STX17: variants seen among roughly 807,000 people sequenced by gnomAD.
The protein encoded by STX17 is syntaxin-17.
A neutral mutation model predicts 35.9 loss-of-function variants in STX17; 29 were observed. The ratio of observed to expected loss-of-function variants is 0.81; its 90% confidence interval spans 0.60 to 1.10. The LOEUF (loss-of-function observed/expected upper bound fraction) is 1.10, where lower values mean the gene tolerates loss of function less well. STX17 is among the 50% of genes least tolerant of loss of function. The pLI, the probability that STX17 is intolerant of heterozygous loss-of-function variation, is 0.00. For synonymous variants in STX17, 92 were observed against 118.3 expected, an observed-to-expected ratio of 0.78 and a Z score of 1.44; for missense variants, 312 against 352.3, an observed-to-expected ratio of 0.89 and a Z score of 0.92.
intron 4 of STX17, 149 bp from the exon 5 acceptor site, chr9:99,959,768 T>C: frequency 1.5e-6 from 1 of 679,596 alleles, no homozygotes; most frequent in East Asian, 2.8e-5. Flanking sequence ...GCCAAACAAT[T>C]CTATTTTTGT....
At position 99,971,385 on chromosome 9, in the gene STX17, CA is replaced by C; in HGVS notation, c.*2715del. 6.6e-6 allele frequency among the ~76,000 whole-genome samples: 1 copy of C among 151,116 alleles called. No individual in the cohort carries two copies. The highest frequency in any genetic ancestry group is 2.1e-4 in the South Asian group (1 of 4,750). ...CCCACAGTAAAAAACGCATTTATAT[CA>C]AACCTTAGAATATGTTTAATGAACA... On this transcript the variant is annotated 3_prime_UTR_variant, in exon 8 of 8. Transcript: ENST00000259400.
intron 4 of STX17, among the ~76,000 whole-genome samples, chr9:99,953,115 C>T (rs1829637797): frequency 1.3e-5 from 2 of 151,770 alleles, no homozygotes; most frequent in South Asian, 4.1e-4. Flanking sequence ...TCAGGGCACT[C>T]CTGCATCACT....
intron 1 of STX17, among the ~76,000 whole-genome samples, chr9:99,908,442 C>T (rs1021138168): frequency 8.5e-5 from 13 of 152,120 alleles, no homozygotes; most frequent in African/African-American, 2.9e-4. Context: ...GCCCATTTCC[C>T]ATTTGTTTAT....
intron 1 of STX17, among the ~76,000 whole-genome samples, chr9:99,909,360 T>C (rs985050831): frequency 6.6e-6 from 1 of 152,176 alleles, no homozygotes; most frequent in Non-Finnish European, 1.5e-5. Flanking sequence ...ACTAGAGTGA[T>C]AGGATTAGCA....
chr9:99,921,203 A>G (rs889778620), intron 2 of STX17, among the ~76,000 whole-genome samples: 3 of 152,188 alleles, frequency 2.0e-5, no homozygotes, highest in Admixed American at 1.3e-4. Flanking sequence ...TCTGAAAAAA[A>G]GTGTGTTGAA....
intron 3 of STX17, among the ~76,000 whole-genome samples, chr9:99,943,594 C>T (rs1051261593): frequency 6.6e-6 from 1 of 152,210 alleles, no homozygotes; most frequent in African/African-American, 2.4e-5. Context: ...CAGGCGTGAG[C>T]CACTGCACCC....
At chr9:99,947,427 G>A (rs1829506294) in intron 3 of STX17, among the ~76,000 whole-genome samples, 1 of 152,068 alleles carries the variant, frequency 6.6e-6, no homozygotes, top group African/African-American at 2.4e-5. Context: ...TCTGTTGCCT[G>A]TTGTTTTTGC....
chr9:99,929,301 C>A (rs183142472), intron 3 of STX17: 2 of 150,998 alleles, frequency 1.3e-5, no homozygotes, highest in South Asian at 2.1e-4. Flanking sequence ...TTTGTGAGAG[C>A]TCCTTATAAT....
intron 2 of STX17, among the ~76,000 whole-genome samples, chr9:99,916,376 A>T (rs1268709254): frequency 6.6e-6 from 1 of 152,058 alleles, no homozygotes; most frequent in Non-Finnish European, 1.5e-5. Flanking sequence ...ATAAGTCTTA[A>T]GCTGCAGAAC....
chr9:99,907,813 A>G (rs1388950652), intron 1 of STX17, among the ~76,000 whole-genome samples: 1 of 152,210 alleles, frequency 6.6e-6, no homozygotes, highest in Non-Finnish European at 1.5e-5. Context: ...CTGAATTACT[A>G]ACTTGTGATT....
chr9:99,919,011 A>T (rs1222337666), intron 2 of STX17, among the ~76,000 whole-genome samples: 1 of 152,152 alleles, frequency 6.6e-6, no homozygotes, highest in African/African-American at 2.4e-5. Flanking sequence ...GTCCAGGCTT[A>T]ATCTTCCTGG....
intron 2 of STX17, among the ~76,000 whole-genome samples, chr9:99,916,732 C>A (rs1037749045): frequency 6.6e-6 from 1 of 152,074 alleles, no homozygotes; most frequent in African/African-American, 2.4e-5. Context: ...TCTTTACTTA[C>A]AAGCAATAAG....
chr9:99,932,503 C>G (rs1398587062), intron 3 of STX17, among the ~76,000 whole-genome samples: 1 of 152,064 alleles, frequency 6.6e-6, no homozygotes, highest in Non-Finnish European at 1.5e-5. Flanking sequence ...GATTTGGTGT[C>G]TATTGAATGG....
chr9:99,956,707 T>C (rs1829717711), intron 4 of STX17, among the ~76,000 whole-genome samples: 1 of 152,220 alleles, frequency 6.6e-6, no homozygotes, highest in South Asian at 2.1e-4. Context: ...GTTAAATAAA[T>C]ATATTCAGAT....
intron 3 of STX17, among the ~76,000 whole-genome samples, chr9:99,944,427 A>G (rs947454015): frequency 2.0e-5 from 3 of 151,390 alleles, no homozygotes; most frequent in Non-Finnish European, 4.4e-5. Context: ...TCTAATATAT[A>G]TATATGCAGT....
chr9:99,930,926 T>C (rs1829109147), intron 3 of STX17, among the ~76,000 whole-genome samples: 2 of 152,216 alleles, frequency 1.3e-5, no homozygotes, highest in South Asian at 4.1e-4. Context: ...CTTTGTGTTA[T>C]ACTTTAAAAA....
chr9:99,964,557 AT>A (rs988445314), intron 6 of STX17, among the ~76,000 whole-genome samples: 3 of 152,154 alleles, frequency 2.0e-5, no homozygotes, highest in African/African-American at 4.8e-5. Flanking sequence ...AATGGCAGGT[AT>A]GGAATTTGAA....
At chr9:99,962,519 A>C (rs1829846912) in intron 6 of STX17, among the ~76,000 whole-genome samples, 1 of 152,198 alleles carries the variant, frequency 6.6e-6, no homozygotes, top group South Asian at 2.1e-4. Context: ...TACCTCAATA[A>C]AGCTGATTTT....
chr9:99,950,857 A>G, intron 3 of STX17, among the ~76,000 whole-genome samples: 1 of 151,976 alleles, frequency 6.6e-6, no homozygotes, highest in African/African-American at 2.4e-5. Context: ...ATGCTAAATA[A>G]ATTCAAAGTA....
Sources: gnomAD v4.1 joint callset for allele counts (sites outside exome capture counted in the v4.1 genomes callset) on GRCh38, gnomAD v4.1.1 for gene constraint, MANE v1.5 for transcripts, NCBI Gene and HGNC (gene_info 2026-07-23, HGNC 2026-07-21) for gene names.